AIMP2: variants seen among roughly 807,000 people sequenced by gnomAD.
AIMP2 encodes the protein aminoacyl tRNA synthetase complex interacting multifunctional protein 2.
In AIMP2, 20 loss-of-function variants were observed where a neutral mutation model predicts 23.4. The observed-to-expected ratio is 0.85, with a 90% CI of 0.60 to 1.24. The LOEUF is 1.24. Ranked by LOEUF, AIMP2 falls within the 50% of genes most tolerant of loss-of-function variation. The pLI, the probability that AIMP2 is intolerant of heterozygous loss-of-function variation, is 0.00. For missense variants in AIMP2, 515 were observed against 414.5 expected (o/e 1.24, Z -2.10); for synonymous variants, 210 against 170.4 (o/e 1.23, Z -1.81).
At chr7:6,010,554 A>G (rs1219605625) in intron 1 of AIMP2, among the ~76,000 whole-genome samples, 2 of 151,702 alleles carry the variant, frequency 1.3e-5, no homozygotes, top group East Asian at 1.9e-4. Context: ...GGTTGAAGCA[A>G]TTCTCTGCCT....
chr7:6,009,974 A>AAAAATATACATATATATATATAT lies in AIMP2; in HGVS notation c.135+477_135+478insAAATATACATATATATATATATA. 1.3e-3 allele frequency among the ~76,000 whole-genome samples: 35 copies of AAAAATATACATATATATATATAT among 26,674 alleles called. 3 individuals carry two copies. The highest frequency in any genetic ancestry group is 4.6e-3 in the African/African-American group (33 of 7,146). The allele number at this position is 26,674 out of a possible 152,430, so 17.5% of individuals were successfully genotyped here. ...CAAAAAAAAAAAAAAAAAAAAAAAA[A>AAAAATATACATATATATATATAT]ATATATATATATATATATGTATGTA... is the stretch of plus-strand genomic sequence containing the variant. On this transcript the variant is annotated intron_variant, in intron 1 of 3. Transcript: ENST00000223029.
At chr7:6,019,043 G>C (rs2128880145) in intron 3 of AIMP2, among the ~76,000 whole-genome samples, 1 of 151,748 alleles carries the variant, frequency 6.6e-6, no homozygotes. Flanking sequence ...GTGAAGATGA[G>C]CATGAAATCC....
intron 3 of AIMP2, 32 bp from the exon 4 acceptor site, chr7:6,023,271 G>T (rs756176778): frequency 1.3e-6 from 2 of 1,557,026 alleles, no homozygotes; most frequent in Admixed American, 3.7e-5. Flanking sequence ...GGCTGCTCTG[G>T]TGATGCTACC....
chr7:6,009,970 A>ATATATAT (rs1170519704), intron 1 of AIMP2, among the ~76,000 whole-genome samples: 19 of 34,628 alleles, frequency 5.5e-4, no homozygotes, highest in African/African-American at 1.5e-3. Context: ...AAAAAAAAAA[A>ATATATAT]AAAAATATAT....
intron 2 of AIMP2, chr7:6,016,737 C>G (rs1014390474): frequency 6.6e-6 from 1 of 151,532 alleles, no homozygotes; most frequent in African/African-American, 2.4e-5. Context: ...CTGCCTAGGC[C>G]GACGTGTGGG....
At position 6,009,419 on chromosome 7, in the gene AIMP2, A is replaced by C; in HGVS notation, c.56A>C (p.Glu19Ala). ...GGGGGCGGCGCGCCTCTCCGTGTGGAGCTTCCCACCTGCATGTACCGGCTC... is the reference window on the plus strand; with the variant it reads ...GGGGGCGGCGCGCCTCTCCGTGTGGCGCTTCCCACCTGCATGTACCGGCTC... ...YHGGGAPLRV[E>A]LPTCMYRLPN... is the part of the protein sequence containing the mutation. Residue 19 changes from glutamate to alanine, a missense_variant, in exon 1 of 4, where the codon GAG (glutamate) becomes GCG (alanine). Transcript: ENST00000223029. The C allele has an allele frequency of 6.2e-7, 1 of 1,611,368 alleles. No individual in the cohort carries two copies. Among genetic ancestry groups the C allele is most frequent in the Non-Finnish European group, 8.5e-7 (1 of 1,179,932 alleles).
chr7:6,022,895 G>A (rs3801031), intron 3 of AIMP2: 26,138 of 180,546 alleles, frequency 0.14, 2,071 homozygotes, highest in Middle Eastern at 0.2. Context: ...TTGATATGGA[G>A]ATAAGCGAGT....
At chr7:6,013,364 C>T (rs537924261) in intron 1 of AIMP2, among the ~76,000 whole-genome samples, 7 of 148,162 alleles carry the variant, frequency 4.7e-5, no homozygotes, top group South Asian at 2.1e-4. Context: ...CGGGTTCAAG[C>T]GATTCTCCTG....
At position 6,017,686 on chromosome 7, in the gene AIMP2, C is replaced by T. The variant is rs115117072; in HGVS notation, c.343-128C>T. 1,132 of 758,318 alleles carry T rather than the reference C, an allele frequency of 1.5e-3. 3 individuals are homozygous for T. In the African/African-American group the frequency reaches 0.015, roughly 10 times the overall value. The allele number at this position is 758,318 out of a possible 1,614,324, so 47.0% of individuals were successfully genotyped here. On this transcript the variant is annotated intron_variant, in intron 2 of 3. Transcript: ENST00000223029. ...GTTACTGGCTGCAACGTGGAGATGACGCTAGTGCCGTCTTCATGGAAGTGG... is the reference window on the plus strand; with the variant it reads ...GTTACTGGCTGCAACGTGGAGATGATGCTAGTGCCGTCTTCATGGAAGTGG...
intron 1 of AIMP2, 59 bp downstream of exon 1, chr7:6,009,557 G>A: frequency 1.5e-6 from 2 of 1,374,664 alleles, no homozygotes; most frequent in Non-Finnish European, 1.9e-6. Context: ...GCTGGCCCGG[G>A]TCCCCCCAGG....
At chr7:6,010,618 T>C (rs1477956011) in intron 1 of AIMP2, among the ~76,000 whole-genome samples, 2 of 151,916 alleles carry the variant, frequency 1.3e-5, no homozygotes, top group African/African-American at 4.8e-5. Flanking sequence ...CCGGCTAATT[T>C]TTCTATTTTT....
rs1787560840 is a variant in AIMP2, at chr7:6,023,202, C to T, written c.575-101C>T. The T allele has an allele frequency of 3.7e-6, 5 of 1,337,082 alleles. No individual in the cohort carries two copies. The African/African-American group carries it at 7.3e-5, about 20-fold the overall frequency. The allele number at this position is 1,337,082 out of a possible 1,614,324, so 82.8% of individuals were successfully genotyped here. On this transcript the variant is annotated intron_variant, in intron 3 of 3. Coordinates refer to ENST00000223029, the MANE Select transcript of AIMP2 (RefSeq NM_006303.4). The stretch of plus-strand genomic sequence containing the variant: ...TTCTTGAAAACACCCTTTCCCATGT[C>T]ATCAGTCTGTGGTGTTTGGTGACTG...
chr7:6,017,786 T>C lies in AIMP2; in HGVS notation c.343-28T>C, dbSNP rs755664128. On this transcript the variant is annotated intron_variant, in intron 2 of 3. Coordinates refer to ENST00000223029, the MANE Select transcript of AIMP2 (RefSeq NM_006303.4). ...CAGTGGCACTCTCCGATGACTGTTA[T>C]TCGTACATTGTCTTGGTCTTTCCCC... is the stretch of plus-strand genomic sequence containing the variant. 5.6e-6 allele frequency: 9 copies of C among 1,595,164 alleles called. No homozygotes were observed. The African/African-American group carries it at 6.7e-5, about 12-fold the overall frequency.
intron 1 of AIMP2, among the ~76,000 whole-genome samples, chr7:6,010,942 C>T (rs1786645094): frequency 6.6e-6 from 1 of 152,066 alleles, no homozygotes; most frequent in South Asian, 2.1e-4. Flanking sequence ...GCTGGGATTA[C>T]AAACATGAGC....
At chr7:6,015,124 A>G (rs771560702) in intron 1 of AIMP2, 22 bp from the exon 2 acceptor site, 1 of 1,613,944 alleles carries the variant, frequency 6.2e-7, no homozygotes, top group Non-Finnish European at 8.5e-7. Context: ...GGAAATGAAC[A>G]TTTGGCTGTT....
At position 6,009,286 on chromosome 7, in the gene AIMP2, CG is replaced by C. The variant is rs1786327676; in HGVS notation, c.-76del. ...GCAGCAGGGTCAGAAGGGAGGTGGC[CG>C]GTCTCCGTCGTGACCTCTGACGGTT... On this transcript the variant is annotated 5_prime_UTR_variant, in exon 1 of 4. Transcript: ENST00000223029. 4 of 1,606,734 alleles carry C rather than the reference CG, an allele frequency of 2.5e-6. No homozygotes were observed. Among genetic ancestry groups the C allele is most frequent in the Non-Finnish European group, 3.4e-6 (4 of 1,176,746 alleles).
At chr7:6,009,989 A>ATATATATATATG (rs1259647902) in intron 1 of AIMP2, among the ~76,000 whole-genome samples, 99 of 108,388 alleles carry the variant, frequency 9.1e-4, no homozygotes, top group Non-Finnish European at 1.4e-3. Flanking sequence ...ATATATATAT[A>ATATATATATATG]TATGTATGTA....
At chr7:6,017,493 A>T (rs1787093296) in intron 2 of AIMP2, among the ~76,000 whole-genome samples, 1 of 149,940 alleles carries the variant, frequency 6.7e-6, no homozygotes, top group Non-Finnish European at 1.5e-5. Flanking sequence ...ACTGTACTCC[A>T]GCCTGTGTGA....
intron 1 of AIMP2, among the ~76,000 whole-genome samples, chr7:6,010,149 A>G (rs1786534487): frequency 6.6e-6 from 1 of 150,976 alleles, no homozygotes; most frequent in Non-Finnish European, 1.5e-5. Flanking sequence ...TTTTAATTAA[A>G]ATACAAATCT....
Sources: allele counts gnomAD v4.1 joint callset (sites outside exome capture counted in the v4.1 genomes callset), GRCh38; gene constraint gnomAD v4.1.1; transcripts MANE v1.5; gene names NCBI Gene and HGNC (gene_info 2026-07-23, HGNC 2026-07-21).